Variants in WDR17 observed in about 807,000 individuals in gnomAD.
The protein encoded by WDR17 is WD repeat domain 17.
Under a neutral mutation model 161.7 loss-of-function variants are expected in WDR17, and 143 were observed. The observed-to-expected ratio is 0.88, with a 90% CI of 0.77 to 1.02. The LOEUF is 1.02. Among genes scored for constraint, WDR17 ranks in the 50% least tolerant of loss-of-function variants. WDR17 has a pLI of 0.00. For synonymous variants in WDR17, 517 were observed against 515.6 expected (o/e 1.00, Z -0.04); for missense variants, 1,469 against 1,520.9 (o/e 0.97, Z 0.57).
intron 1 of WDR17, among the ~76,000 whole-genome samples, chr4:176,102,638 C>G (rs1271143063): frequency 1.3e-5 from 2 of 152,150 alleles, no homozygotes; most frequent in African/African-American, 4.8e-5. Context: ...TGTGCTACAT[C>G]TAGATAAATA....
At chr4:176,135,051 C>T in intron 7 of WDR17, 57 bp from the exon 8 acceptor site, 1 of 1,528,026 alleles carries the variant, frequency 6.5e-7, no homozygotes, top group South Asian at 1.1e-5. Flanking sequence ...TGTGGTTCAT[C>T]TATTAATAAT....
chr4:176,125,125 T>C lies in WDR17; in HGVS notation c.560T>C (p.Val187Ala). ...ACAGGTAATAAAAATCAGAAACATG[T>C]TTTGAGACCAGAATCTCTTGAAGGG... The part of the protein sequence containing the change: ...FHPGNKNQKH[V>A]LRPESLEGTD... Residue 187 changes from valine to alanine, a missense_variant, in exon 5 of 29, where the codon GTT becomes GCT. By Grantham distance (64) the Val-to-Ala change is moderately conservative. Transcript: ENST00000508596. 6.2e-7 allele frequency: 1 copy of C among 1,614,042 alleles called. No homozygotes were observed. Among genetic ancestry groups the C allele is most frequent in the Non-Finnish European group, 8.5e-7 (1 of 1,179,958 alleles).
At chr4:176,169,140 A>T (rs1750331028) in intron 23 of WDR17, among the ~76,000 whole-genome samples, 1 of 152,222 alleles carries the variant, frequency 6.6e-6, no homozygotes, top group Non-Finnish European at 1.5e-5. Flanking sequence ...AGTGTTTTCC[A>T]CTGTACACTT....
chr4:176,164,262 A>G (rs1302733006), intron 22 of WDR17, among the ~76,000 whole-genome samples: 1 of 152,208 alleles, frequency 6.6e-6, no homozygotes, highest in African/African-American at 2.4e-5. Flanking sequence ...AGCTACATAA[A>G]TCAGCTCTGA....
At position 176,168,796 on chromosome 4, in the gene WDR17, T is replaced by A; in HGVS notation, c.3102+13T>A. 6.2e-7 allele frequency: 1 copy of A among 1,604,178 alleles called. No individual in the cohort carries two copies. The highest frequency in any genetic ancestry group is 8.5e-7 in the Non-Finnish European group (1 of 1,176,232). On this transcript the variant is annotated intron_variant, in intron 23 of 28. Transcript: ENST00000508596. ...CCTTCATGATAAGGTATGCTGATGA[T>A]GTTAAATATTCTGGTTTGGAATGCA... is the stretch of plus-strand genomic sequence containing the variant.
chr4:176,073,682 T>C (rs1236669873), intron 1 of WDR17, among the ~76,000 whole-genome samples: 1 of 148,650 alleles, frequency 6.7e-6, no homozygotes, highest in Non-Finnish European at 1.5e-5. Flanking sequence ...ATCGCCACAC[T>C]GACTTCCACA....
chr4:176,099,258 ATAGAAATGCAG>A (rs1737407740), intron 1 of WDR17, among the ~76,000 whole-genome samples: 2 of 152,276 alleles, frequency 1.3e-5, no homozygotes, highest in East Asian at 1.9e-4. Context: ...AATTATTGAG[ATAGAAATGCAG>A]TTACAGAGAA....
intron 5 of WDR17, among the ~76,000 whole-genome samples, chr4:176,127,655 A>G (rs1742676160): frequency 6.6e-6 from 1 of 152,176 alleles, no homozygotes; most frequent in Non-Finnish European, 1.5e-5. Flanking sequence ...CTTCACATAT[A>G]AAATTCACCA....
chr4:176,167,667 A>C (rs1322484910), intron 22 of WDR17, among the ~76,000 whole-genome samples: 3 of 145,318 alleles, frequency 2.1e-5, no homozygotes, highest in African/African-American at 5.0e-5. Context: ...AAAAAAAAAA[A>C]AAAAACAATA....
At chr4:176,177,320 T>C in intron 27 of WDR17, 151 bp from the exon 28 acceptor site, 1 of 939,244 alleles carries the variant, frequency 1.1e-6, no homozygotes, top group Non-Finnish European at 1.6e-6. Flanking sequence ...TTCTGCCATG[T>C]AGTCCTTTGT....
intron 11 of WDR17, among the ~76,000 whole-genome samples, chr4:176,144,709 A>G (rs2126798499): frequency 6.6e-6 from 1 of 152,248 alleles, no homozygotes; most frequent in South Asian, 2.1e-4. Context: ...AACCTTTTAA[A>G]ATGTTTTAAT....
intron 1 of WDR17, among the ~76,000 whole-genome samples, chr4:176,066,296 A>T (rs1454027159): frequency 6.6e-6 from 1 of 152,206 alleles, no homozygotes; most frequent in African/African-American, 2.4e-5. Context: ...AAGGCACAGC[A>T]AGCAGCGAAT....
At chr4:176,067,599 GATAA>G (rs1732692548) in intron 1 of WDR17, among the ~76,000 whole-genome samples, 1 of 152,148 alleles carries the variant, frequency 6.6e-6, no homozygotes. Flanking sequence ...TATTTCTAAT[GATAA>G]ATAGTGGTGT....
chr4:176,130,050 C>T (rs550448056), intron 6 of WDR17, among the ~76,000 whole-genome samples: 29 of 152,190 alleles, frequency 1.9e-4, no homozygotes, highest in Admixed American at 7.8e-4. Context: ...TTGTCATTTT[C>T]GAGCAATTCC....
At chr4:176,167,664 A>AAAAC (rs1554036556) in intron 22 of WDR17, among the ~76,000 whole-genome samples, 13 of 146,910 alleles carry the variant, frequency 8.8e-5, no homozygotes, top group African/African-American at 3.1e-4. Context: ...AAAAAAAAAA[A>AAAAC]AAAAAAAACA....
At chr4:176,104,145 C>G (rs1738295398) in intron 1 of WDR17, among the ~76,000 whole-genome samples, 1 of 152,012 alleles carries the variant, frequency 6.6e-6, no homozygotes, top group African/African-American at 2.4e-5. Context: ...AGAATGTCAA[C>G]CAAATATCTT....
At chr4:176,078,336 T>C (rs775196946) in intron 1 of WDR17, among the ~76,000 whole-genome samples, 15 of 152,144 alleles carry the variant, frequency 9.9e-5, no homozygotes, top group Non-Finnish European at 2.1e-4. Context: ...TGGAATCACC[T>C]GCTCTAGTTC....
rs1022572937 is a variant in WDR17 at position 176,065,983 on chromosome 4, G to C, written c.-103G>C. On this transcript the variant is annotated 5_prime_UTR_variant, in exon 1 of 29. Transcript: ENST00000508596. The stretch of plus-strand genomic sequence containing the variant: ...CCCTGAGCGAGCAGGCGGGGAGGGC[G>C]GGGAGGGTCCGCGCGTTGGTGGTGC... The C allele has an allele frequency of 6.6e-6, 1 of 152,104 alleles. No homozygotes were observed. The highest frequency in any genetic ancestry group is 1.5e-5 in the Non-Finnish European group (1 of 68,036). The allele number at this position is 152,104 out of a possible 1,614,324, so 9.4% of individuals were successfully genotyped here.
intron 12 of WDR17, among the ~76,000 whole-genome samples, chr4:176,146,608 G>A (rs1336891395): frequency 6.6e-6 from 1 of 151,834 alleles, no homozygotes; most frequent in African/African-American, 2.4e-5. Context: ...TCTTGGGTTT[G>A]ACCAAAAAAC....
Sources: allele counts gnomAD v4.1 joint callset (sites outside exome capture counted in the v4.1 genomes callset), GRCh38; gene constraint gnomAD v4.1.1; transcripts MANE v1.5; gene names NCBI Gene and HGNC (gene_info 2026-07-23, HGNC 2026-07-21).